ESPL1: variants seen among roughly 807,000 people sequenced by gnomAD.
The protein encoded by ESPL1 is extra spindle pole bodies like 1, separase, also known as separin.
In ESPL1, 50 loss-of-function variants were observed where a neutral mutation model predicts 217.2. That is an observed-to-expected ratio of 0.23 (90% CI 0.18 to 0.29). The LOEUF (loss-of-function observed/expected upper bound fraction) is 0.29, where lower values mean the gene tolerates loss of function less well. ESPL1 is among the 10% of genes least tolerant of loss of function. The pLI, the probability that ESPL1 is intolerant of heterozygous loss-of-function variation, is 1.00. For missense variants in ESPL1, 1,834 were observed against 2,603.0 expected (o/e 0.70, Z 6.43); for synonymous variants, 994 against 1,081.3 (o/e 0.92, Z 1.58).
chr12:53,289,926 C>CACAGAGACCATGACTTGTACTTTGTGT, intron 22 of ESPL1, 159 bp from the exon 23 acceptor site: 1 of 716,388 alleles, frequency 1.4e-6, no homozygotes, highest in Non-Finnish European at 2.3e-6. Context: ...GGTCTCTGTG[C>CACAGAGACCATGACTTGTACTTTGTGT]ACAGGGAGCT....
At chr12:53,288,996 G>C in intron 20 of ESPL1, 94 bp from the exon 21 acceptor site, 1 of 1,018,134 alleles carries the variant, frequency 9.8e-7, no homozygotes, top group Non-Finnish European at 1.5e-6. Flanking sequence ...TTTGCCATGT[G>C]GGAGATGAGA....
rs375769794 is a variant in ESPL1, at chr12:53,292,239, G to T, written c.5797-39G>T. ...AGATTGTTAGAGCTTGGGCCTCTTG[G>T]TGAGACAAGCATCCTAATCGCCAGT... is the stretch of plus-strand genomic sequence containing the variant. On this transcript the variant is annotated intron_variant, in intron 27 of 30. Coordinates refer to ENST00000257934, the MANE Select transcript of ESPL1 (RefSeq NM_012291.5). The surrounding 1 kb of genome is among the most constrained non-coding windows in gnomAD (Gnocchi z 4.5). 193 of 1,524,308 alleles carry T rather than the reference G, an allele frequency of 1.3e-4. 1 individual carries two copies. Among genetic ancestry groups the T allele is most frequent in the Non-Finnish European group, 1.7e-4 (182 of 1,098,438 alleles). 94.4% of individuals were successfully genotyped at this position (1,524,308 alleles called of 1,614,324 possible).
chr12:53,291,345 C>A (rs985174707), intron 25 of ESPL1, among the ~76,000 whole-genome samples: 5 of 151,090 alleles, frequency 3.3e-5, no homozygotes, highest in Non-Finnish European at 1.5e-5. Context: ...ATAATCCCAG[C>A]ACTTTGGGAG....
At chr12:53,285,261 T>C (rs962906982) in intron 17 of ESPL1, among the ~76,000 whole-genome samples, 5 of 151,898 alleles carry the variant, frequency 3.3e-5, no homozygotes, top group African/African-American at 1.2e-4. Flanking sequence ...TAAAGCTGAG[T>C]GGGAGCATAG....
intron 18 of ESPL1, 139 bp downstream of exon 18, chr12:53,287,051 T>TAC: frequency 1.3e-6 from 1 of 799,444 alleles, no homozygotes; most frequent in East Asian, 2.6e-5. Context: ...CTATCTGCAG[T>TAC]ACCCCAATAT....
rs375620823 is a variant in ESPL1 at position 53,293,404 on chromosome 12, A to G, written c.6293A>G (p.Gln2098Arg). ...CTCTACTATGTAAACCAGGCCCGCC[A>G]AGCTCCCCGACTCAAGTATCTTATT... ...PLLYYVNQAR[Q>R]APRLKYLIGA... The change falls in exon 31 of 31, where the codon CAA (glutamine) becomes CGA (arginine). Residue 2098 changes from glutamine (Q) to arginine (R), a missense_variant. Gln to Arg is a conservative substitution (Grantham distance 43). This residue lies in a region of ESPL1 where 295 missense variants were observed against 519.8 expected (regional missense o/e 0.57). Transcript: ENST00000257934. The surrounding 1 kb of genome is among the most constrained non-coding windows in gnomAD (Gnocchi z 4.2). 3.1e-6 allele frequency: 5 copies of G among 1,613,984 alleles called. No individual in the cohort carries two copies. The highest frequency in any genetic ancestry group is 2.7e-5 in the African/African-American group (2 of 74,902).
chr12:53,283,306 T>A (rs760731691), intron 15 of ESPL1, 49 bp downstream of exon 15: 8 of 1,611,084 alleles, frequency 5.0e-6, no homozygotes, highest in Non-Finnish European at 6.8e-6. Context: ...ACAGGCTATG[T>A]GAGAGGGCTG....
Position 53,272,819 on chromosome 12 carries a change from G to C in ESPL1, c.1468G>C (p.Val490Leu). The change falls in exon 6 of 31, where the codon GTG (valine) becomes CTG (leucine). Residue 490 changes from valine to leucine, a missense_variant. Val to Leu is a conservative substitution (Grantham distance 32, BLOSUM62 1). Coordinates refer to ENST00000257934, the MANE Select transcript of ESPL1 (RefSeq NM_012291.5). ...SEPLCQHLGL[V>L]KPGTYPEVPP... The stretch of plus-strand genomic sequence containing the variant: ...GCCGCTCTGTCAGCACCTGGGTTTG[G>C]TGAAGCCAGGCACTTATCCCGAGGT... The C allele has an allele frequency of 1.2e-6, 2 of 1,614,128 alleles. No homozygotes were observed. The highest frequency in any genetic ancestry group is 1.1e-5 in the South Asian group (1 of 91,084).
rs1943891465 is a variant in ESPL1, at chr12:53,283,140, C to T, written c.2803C>T (p.Pro935Ser). 3.1e-6 allele frequency: 5 copies of T among 1,614,116 alleles called. No individual in the cohort carries two copies. Among genetic ancestry groups the T allele is most frequent in the Non-Finnish European group, 4.2e-6 (5 of 1,180,048 alleles). The change falls in exon 15 of 31, where the codon CCT (proline) becomes TCT (serine). Residue 935 changes from proline to serine, a missense_variant. Pro to Ser is a moderately conservative substitution (Grantham distance 74). Transcript: ENST00000257934. ...EQLCAQGWQT[P>S]EIALIDSHKL... ...CCCACCCACCACAGGCTGGCAGACACCTGAGATAGCTCTCATAGACTCCCA... is the reference window on the plus strand; with the variant it reads ...CCCACCCACCACAGGCTGGCAGACATCTGAGATAGCTCTCATAGACTCCCA...
At position 53,277,087 on chromosome 12, in the gene ESPL1, G is replaced by T; in HGVS notation, c.1945G>T (p.Ala649Ser). 1.2e-6 allele frequency: 2 copies of T among 1,613,634 alleles called. No individual in the cohort carries two copies. Among genetic ancestry groups the T allele is most frequent in the Non-Finnish European group, 1.7e-6 (2 of 1,179,702 alleles). The change falls in exon 9 of 31, where the codon GCT (alanine) becomes TCT (serine). Residue 649 changes from alanine to serine, a missense_variant. Around this residue, in one of 5 missense-constraint regions of ESPL1, gnomAD observed 746 missense variants for 1,077.0 expected, o/e 0.69. Coordinates refer to ENST00000257934, the MANE Select transcript of ESPL1 (RefSeq NM_012291.5). ...AAGCACATCTTCTCCCTGCAGCTCTGCTCTGGATGCTATCCGGGAAGCCCT... is the reference window on the plus strand; with the variant it reads ...AAGCACATCTTCTCCCTGCAGCTCTTCTCTGGATGCTATCCGGGAAGCCCT... Reference protein sequence around the residue: ...HDFTQQTNCSALDAIREALQL... With the variant: ...HDFTQQTNCSSLDAIREALQL...
chr12:53,279,842 C>A lies in ESPL1; in HGVS notation c.2475C>A (p.Thr825=). The A allele has an allele frequency of 6.2e-7, 1 of 1,604,710 alleles. No individual in the cohort carries two copies. Among genetic ancestry groups the A allele is most frequent in the East Asian group, 2.2e-5 (1 of 44,518 alleles). Residue 825 remains threonine (T), a synonymous_variant, in exon 12 of 31, where the codon ACC becomes ACA. Coordinates refer to ENST00000257934, the MANE Select transcript of ESPL1 (RefSeq NM_012291.5). Reference sequence around the variant, plus strand: ...GCCACATCACCCAGCTCCTCCTGACCCTCGGCTGTCCCAGCTATGCCCAGG... The same window carrying A: ...GCCACATCACCCAGCTCCTCCTGACACTCGGCTGTCCCAGCTATGCCCAGG... ...SSCHITQLLL[T]LGCPSYAQLH... is the part of the protein sequence containing the mutation.
At position 53,268,785 on chromosome 12, in the gene ESPL1, G is replaced by C. The variant is rs1409362795; in HGVS notation, c.19G>C (p.Val7Leu). 6.2e-7 allele frequency: 1 copy of C among 1,612,178 alleles called. No individual in the cohort carries two copies. ...CGGTGTCATGAGGAGCTTCAAAAGAGTCAACTTTGGGACTCTGCTAAGCAG... is the reference window on the plus strand; with the variant it reads ...CGGTGTCATGAGGAGCTTCAAAAGACTCAACTTTGGGACTCTGCTAAGCAG... Reference protein sequence around the residue: MRSFKRVNFGTLLSSQK... With the variant: MRSFKRLNFGTLLSSQK... The change falls in exon 2 of 31, where the codon GTC becomes CTC. Residue 7 changes from valine (V) to leucine (L), a missense_variant. Physicochemically the swap from Val to Leu is conservative, Grantham distance 32 (BLOSUM62 1). Around this residue, in one of 5 missense-constraint regions of ESPL1, gnomAD observed 746 missense variants for 1,077.0 expected, o/e 0.69. Transcript: ENST00000257934.
chr12:53,288,899 T>C, intron 20 of ESPL1, 191 bp from the exon 21 acceptor site: 1 of 709,080 alleles, frequency 1.4e-6, no homozygotes, highest in Admixed American at 2.7e-5. Context: ...AAAAATGGGG[T>C]TTAGGGAGCA....
At chr12:53,291,244 G>C (rs1358793114) in intron 25 of ESPL1, among the ~76,000 whole-genome samples, 1 of 151,676 alleles carries the variant, frequency 6.6e-6, no homozygotes, top group Non-Finnish European at 1.5e-5. Flanking sequence ...GGAGGTTGCA[G>C]TGAGCTGAGA....
chr12:53,286,291 G>C lies in ESPL1; in HGVS notation c.3555G>C (p.Gln1185His). 1 of 1,614,208 alleles carries C rather than the reference G, an allele frequency of 6.2e-7. No homozygotes were observed. Among genetic ancestry groups the C allele is most frequent in the Non-Finnish European group, 8.5e-7 (1 of 1,180,048 alleles). ...AAGCCCAGGGTCTGGATCTGCTGCAGGTCGTGCTGAAGGGCTGTCCTGAAG... is the reference window on the plus strand; with the variant it reads ...AAGCCCAGGGTCTGGATCTGCTGCACGTCGTGCTGAAGGGCTGTCCTGAAG... ...GHQAQGLDLL[Q>H]VVLKGCPEAA... is the part of the protein sequence containing the mutation. The change falls in exon 18 of 31, where the codon CAG (glutamine) becomes CAC (histidine). Residue 1185 changes from glutamine (Q) to histidine (H), a missense_variant. Physicochemically the swap from Gln to His is conservative, Grantham distance 24. Transcript: ENST00000257934. The surrounding 1 kb of genome is among the most constrained non-coding windows in gnomAD (Gnocchi z 5.3).
At chr12:53,290,612 C>T (rs1944037473) in intron 24 of ESPL1, 143 bp downstream of exon 24, 2 of 303,106 alleles carry the variant, frequency 6.6e-6, no homozygotes, top group South Asian at 1.2e-4. Flanking sequence ...AAAAATATGT[C>T]ACCTGGGGAG....
chr12:53,287,713 CA>C (rs1277677627), intron 18 of ESPL1: 12 of 368,272 alleles, frequency 3.3e-5, no homozygotes, highest in Non-Finnish European at 5.9e-5. Flanking sequence ...TTGTTTCAGA[CA>C]GAGACATTTT....
chr12:53,276,561 G>A, intron 7 of ESPL1, 59 bp from the exon 8 acceptor site: 1 of 1,503,248 alleles, frequency 6.7e-7, no homozygotes, highest in Non-Finnish European at 8.9e-7. Flanking sequence ...ATGGGAGCAG[G>A]TAGCAGAGGC....
chr12:53,279,772 T>C lies in ESPL1; in HGVS notation c.2405T>C (p.Val802Ala). 6.2e-7 allele frequency: 1 copy of C among 1,614,038 alleles called. No individual in the cohort carries two copies. The highest frequency in any genetic ancestry group is 8.5e-7 in the Non-Finnish European group (1 of 1,179,994). ...ALEVLLLLRI[V>A]SERLKDHSKA... The stretch of plus-strand genomic sequence containing the variant: ...GAGGTCCTCCTGCTGCTACGGATTG[T>C]CTCTGAGAGACTGAAGGACCACTCG... Residue 802 changes from valine to alanine, a missense_variant, in exon 12 of 31, where the codon GTC becomes GCC. Coordinates refer to ENST00000257934, the MANE Select transcript of ESPL1 (RefSeq NM_012291.5).
Sources: gnomAD v4.1 joint callset for allele counts (sites outside exome capture counted in the v4.1 genomes callset) on GRCh38, gnomAD v4.1.1 for gene constraint, gnomAD v4.1.1 regional missense constraint, Gnocchi (gnomAD v3.1) non-coding constraint, MANE v1.5 for transcripts, NCBI Gene and HGNC (gene_info 2026-07-23, HGNC 2026-07-21) for gene names.